The following PPP6R2 variants were observed in gnomAD, a reference collection of about 807,000 sequenced individuals.
The protein encoded by PPP6R2 is serine/threonine-protein phosphatase 6 regulatory subunit 2.
A neutral mutation model predicts 100.2 loss-of-function variants in PPP6R2; 62 were observed. The ratio of observed to expected loss-of-function variants is 0.62; its 90% CI spans 0.50 to 0.76. The LOEUF is 0.76. Among genes scored for constraint, PPP6R2 ranks in the 30% least tolerant of loss-of-function variants. The probability of loss-of-function intolerance (pLI) is 0.00; values close to 1 mark genes in which losing one functional copy is unlikely to be tolerated. For synonymous variants in PPP6R2, 525 were observed against 514.7 expected, an observed-to-expected ratio of 1.02 and a Z score of -0.27; for missense variants, 1,142 against 1,276.3, an observed-to-expected ratio of 0.89 and a Z score of 1.60.
chr22:50,336,791 C>G, the PPP6R2 span, among the ~76,000 whole-genome samples: 32 of 151,202 alleles, frequency 2.1e-4, no homozygotes, highest in Admixed American at 1.1e-3. Flanking sequence ...ACTGCAGCCC[C>G]GACCTCCAGG....
intron 19 of PPP6R2, 128 bp downstream of exon 19, chr22:50,438,890 TC>T: frequency 9.9e-7 from 1 of 1,007,954 alleles, no homozygotes; most frequent in Non-Finnish European, 1.4e-6. Flanking sequence ...GGAGCCTGAA[TC>T]CCCAGCTATT....
chr22:50,396,826 C>T (rs1443691699), intron 3 of PPP6R2, among the ~76,000 whole-genome samples: 1 of 152,148 alleles, frequency 6.6e-6, no homozygotes, highest in Non-Finnish European at 1.5e-5. Flanking sequence ...GAGGAGAGTT[C>T]TAGCCTGAGC....
intron 1 of PPP6R2, among the ~76,000 whole-genome samples, chr22:50,353,509 C>A (rs2045771837): frequency 6.6e-6 from 1 of 152,014 alleles, no homozygotes; most frequent in Non-Finnish European, 1.5e-5. Flanking sequence ...TAACAGGTCA[C>A]CATAACAGAT....
At chr22:50,438,837 A>T in intron 19 of PPP6R2, 75 bp downstream of exon 19, 1 of 1,420,358 alleles carries the variant, frequency 7.0e-7, no homozygotes, top group South Asian at 1.4e-5. Context: ...GGTGTTGTGG[A>T]GGCTTCATTT....
intron 1 of PPP6R2, among the ~76,000 whole-genome samples, chr22:50,360,008 G>T (rs891545771): frequency 6.7e-6 from 1 of 149,066 alleles, no homozygotes; most frequent in African/African-American, 2.5e-5. Flanking sequence ...GGATATTTTT[G>T]CTTGATACAG....
At chr22:50,382,308 A>G (rs985459690) in intron 2 of PPP6R2, among the ~76,000 whole-genome samples, 4 of 152,064 alleles carry the variant, frequency 2.6e-5, no homozygotes, top group African/African-American at 9.7e-5. Flanking sequence ...TGTCTGGATA[A>G]AAAAGTCAAA....
At chr22:50,417,396 C>G (rs1015946305) in intron 6 of PPP6R2, among the ~76,000 whole-genome samples, 1 of 152,026 alleles carries the variant, frequency 6.6e-6, no homozygotes, top group Non-Finnish European at 1.5e-5. Context: ...GACGGGATTG[C>G]TAGGGGCCCC....
chr22:50,381,964 A>G (rs2053168365), intron 2 of PPP6R2, among the ~76,000 whole-genome samples: 1 of 152,088 alleles, frequency 6.6e-6, no homozygotes, highest in Admixed American at 6.6e-5. Context: ...AAATTAGTGA[A>G]GAGAAAGTAG....
At position 50,419,837 on chromosome 22, in the gene PPP6R2, A is replaced by G. The variant is rs76192920; in HGVS notation, c.845+375A>G. ...TTTCCACTCTGATGCATGGTTACATATACATGTGTTTATCTCCCATGCAGA... is the reference window on the plus strand; with the variant it reads ...TTTCCACTCTGATGCATGGTTACATGTACATGTGTTTATCTCCCATGCAGA... On this transcript the variant is annotated intron_variant, in intron 8 of 23. Coordinates refer to ENST00000612753, the MANE Select transcript of PPP6R2 (RefSeq NM_001242898.2). Among the ~76,000 whole-genome samples, 1,012 of 152,316 alleles carry G rather than the reference A, an allele frequency of 6.6e-3. 5 individuals carry two copies. Among genetic ancestry groups the G allele is most frequent in the South Asian group, 0.028 (136 of 4,824 alleles).
At chr22:50,434,932 A>G (rs759411456) in intron 12 of PPP6R2, 34 bp from the exon 13 acceptor site, 1 of 1,573,206 alleles carries the variant, frequency 6.4e-7, no homozygotes, top group South Asian at 1.1e-5. Flanking sequence ...GGTCGGGGCC[A>G]GGAGGCCGCC....
chr22:50,337,262 AGT>A, the PPP6R2 span, among the ~76,000 whole-genome samples: 5,757 of 117,588 alleles, frequency 0.049, 394 homozygotes, highest in African/African-American at 0.17. Context: ...GTGTGTGTGC[AGT>A]GTGTGTGGTA....
intron 1 of PPP6R2, among the ~76,000 whole-genome samples, chr22:50,346,755 G>A (rs760434112): frequency 7.7e-6 from 1 of 129,488 alleles, no homozygotes; most frequent in East Asian, 2.3e-4. Flanking sequence ...CTCCCCCACC[G>A]TCAGTCCACT....
Position 50,423,545 on chromosome 22 carries a change from A to C in PPP6R2, c.1056A>C (p.Ala352=). 1 of 1,614,194 alleles carries C rather than the reference A, an allele frequency of 6.2e-7. No homozygotes were observed. Among genetic ancestry groups the C allele is most frequent in the East Asian group, 2.2e-5 (1 of 44,884 alleles). Residue 352 remains alanine, a synonymous_variant, in exon 10 of 24, where the codon GCA becomes GCC. Coordinates refer to ENST00000612753, the MANE Select transcript of PPP6R2 (RefSeq NM_001242898.2). The surrounding 1 kb of genome is among the most constrained non-coding windows in gnomAD (Gnocchi z 4.8). The stretch of plus-strand genomic sequence containing the variant: ...TGCATGGCGCCCGCCTCATGGCAGC[A>C]CTGCTGCACACAAACACACCCAGCA... ...ARLHGARLMA[A]LLHTNTPSIN...
At position 50,406,868 on chromosome 22, in the gene PPP6R2, C is replaced by T; in HGVS notation, c.407C>T (p.Thr136Ile). 1 of 1,613,638 alleles carries T rather than the reference C, an allele frequency of 6.2e-7. No individual in the cohort carries two copies. The highest frequency in any genetic ancestry group is 1.1e-5 in the South Asian group (1 of 91,070). The part of the protein sequence containing the change: ...KTIGNLIARK[T>I]EQVITFLKKK... ...ATTGGCAATCTCATTGCAAGAAAAACCGAACAGGTAAATCACGTGCAAAGC... is the reference window on the plus strand; with the variant it reads ...ATTGGCAATCTCATTGCAAGAAAAATCGAACAGGTAAATCACGTGCAAAGC... Residue 136 changes from threonine (T) to isoleucine (I), a missense_variant, in exon 4 of 24, where the codon ACC (threonine) becomes ATC (isoleucine). By Grantham distance (89) the Thr-to-Ile change is moderately conservative. This residue lies in a region of PPP6R2 where 592 missense variants were observed against 758.9 expected (regional missense o/e 0.78). Coordinates refer to ENST00000612753, the MANE Select transcript of PPP6R2 (RefSeq NM_001242898.2).
intron 1 of PPP6R2, among the ~76,000 whole-genome samples, chr22:50,366,721 T>G (rs745616474): frequency 5.9e-5 from 9 of 151,816 alleles, no homozygotes. Flanking sequence ...TCTTCAGCAT[T>G]TGCTGTGAGC....
chr22:50,427,002 C>A (rs898074439), intron 10 of PPP6R2, among the ~76,000 whole-genome samples: 26 of 151,908 alleles, frequency 1.7e-4, no homozygotes, highest in Admixed American at 1.6e-3. Context: ...TCCTGGCCAA[C>A]ATAGTGAAAC....
chr22:50,400,938 C>G (rs963352798), intron 3 of PPP6R2, among the ~76,000 whole-genome samples: 4 of 152,188 alleles, frequency 2.6e-5, no homozygotes, highest in African/African-American at 9.7e-5. Context: ...TTAGATTACT[C>G]AAATTAATGC....
rs564498854 is a variant in PPP6R2 at position 50,374,057 on chromosome 22, C to T, written c.-17+1907C>T. Among the ~76,000 whole-genome samples the T allele has an allele frequency of 1.1e-4, 17 of 152,240 alleles. 1 individual carries two copies. The highest frequency in any genetic ancestry group is 1.1e-3 in the Admixed American group (17 of 15,280). ...CAGCCCACCATGGCTAATTTAAAAA[C>T]AATTTTTTTAGAGATGGGGTCTCAC... On this transcript the variant is annotated intron_variant, in intron 2 of 23. Coordinates refer to ENST00000612753, the MANE Select transcript of PPP6R2 (RefSeq NM_001242898.2).
At chr22:50,366,982 TTTC>T (rs1265424997) in intron 1 of PPP6R2, among the ~76,000 whole-genome samples, 2 of 149,652 alleles carry the variant, frequency 1.3e-5, no homozygotes, top group African/African-American at 4.9e-5. Context: ...TTCCCTATGT[TTTC>T]TTTTTTTTTT....
Sources: allele counts gnomAD v4.1 joint callset (sites outside exome capture counted in the v4.1 genomes callset), GRCh38; gene constraint gnomAD v4.1.1; regional missense constraint gnomAD v4.1.1; non-coding constraint Gnocchi (gnomAD v3.1); transcripts MANE v1.5; gene names NCBI Gene and HGNC (gene_info 2026-07-23, HGNC 2026-07-21).